Variants in CCSER1 observed in about 807,000 individuals in gnomAD.
CCSER1 encodes serine-rich coiled-coil domain-containing protein 1.
A neutral mutation model predicts 82.0 loss-of-function variants in CCSER1; 41 were observed. The ratio of observed to expected loss-of-function variants is 0.50; its 90% confidence interval spans 0.39 to 0.65. The LOEUF is 0.65. Ranked by LOEUF, CCSER1 falls within the 30% of genes least tolerant of loss-of-function variation. The pLI is 0.00. For synonymous variants in CCSER1, 414 were observed against 383.9 expected, an observed-to-expected ratio of 1.08 and a Z score of -0.92; for missense variants, 1,119 against 1,064.2, an observed-to-expected ratio of 1.05 and a Z score of -0.72.
chr4:90,664,117 T>C (rs1033727304), intron 6 of CCSER1, among the ~76,000 whole-genome samples: 4 of 152,224 alleles, frequency 2.6e-5, no homozygotes, highest in African/African-American at 9.6e-5. Context: ...AGACCGGCTT[T>C]TAAGAGTCAA....
At chr4:90,485,961 A>G (rs1766973338) in intron 5 of CCSER1, among the ~76,000 whole-genome samples, 1 of 152,022 alleles carries the variant, frequency 6.6e-6, no homozygotes, top group South Asian at 2.1e-4. Context: ...TTGAAAAGTC[A>G]CTTCTTCAAC....
intron 5 of CCSER1, among the ~76,000 whole-genome samples, chr4:90,500,346 T>G (rs1769670714): frequency 6.6e-6 from 1 of 152,130 alleles, no homozygotes; most frequent in Non-Finnish European, 1.5e-5. Context: ...CCACATTTTT[T>G]TTTTTTAGAC....
At chr4:91,526,421 A>T (rs754642914) in intron 10 of CCSER1, among the ~76,000 whole-genome samples, 1 of 152,188 alleles carries the variant, frequency 6.6e-6, no homozygotes, top group Non-Finnish European at 1.5e-5. Flanking sequence ...CCGAAAACAA[A>T]CTGCACCCTG....
Position 90,693,979 on chromosome 4 carries a change from T to A in CCSER1, c.1933-29935T>A, listed in dbSNP as rs904448562. 2.0e-5 allele frequency among the ~76,000 whole-genome samples: 3 copies of A among 152,004 alleles called. No homozygotes were observed. The East Asian group carries it at 5.8e-4, about 29-fold the overall frequency. On this transcript the variant is annotated intron_variant, in intron 6 of 10. Transcript: ENST00000509176. ...TCATATTCTTCAGTTTATAATTTAG[T>A]TGTCAGAACAAGAGCAAACACATGT...
At chr4:91,223,891 G>A (rs1162421453) in intron 10 of CCSER1, among the ~76,000 whole-genome samples, 1 of 152,024 alleles carries the variant, frequency 6.6e-6, no homozygotes, top group African/African-American at 2.4e-5. Flanking sequence ...TTTCTGGAAC[G>A]CACTTTGTCT....
At chr4:90,532,427 A>G (rs539077739) in intron 5 of CCSER1, among the ~76,000 whole-genome samples, 1 of 152,044 alleles carries the variant, frequency 6.6e-6, no homozygotes, top group South Asian at 2.1e-4. Context: ...ATTTTTCTCA[A>G]TCTGCTTTTA....
intron 5 of CCSER1, among the ~76,000 whole-genome samples, chr4:90,565,035 A>AT (rs559940576): frequency 0.084 from 11,859 of 140,842 alleles, 1,486 homozygotes; most frequent in African/African-American, 0.27. Flanking sequence ...CAAAGTTCAG[A>AT]TTTTTTTTTT....
chr4:90,264,805 A>C (rs1447296057), intron 1 of CCSER1, among the ~76,000 whole-genome samples: 4 of 152,102 alleles, frequency 2.6e-5, no homozygotes, highest in Non-Finnish European at 5.9e-5. Flanking sequence ...TATTAAGGTT[A>C]TCTTGATGAT....
At chr4:90,384,873 A>C (rs1436503354) in intron 3 of CCSER1, among the ~76,000 whole-genome samples, 1 of 152,082 alleles carries the variant, frequency 6.6e-6, no homozygotes, top group African/African-American at 2.4e-5. Flanking sequence ...AATTCTTCAA[A>C]TCTCACTCCT....
At chr4:91,299,526 C>CT (rs954141328) in intron 10 of CCSER1, among the ~76,000 whole-genome samples, 1 of 151,886 alleles carries the variant, frequency 6.6e-6, no homozygotes, top group East Asian at 2.0e-4. Context: ...TTATCATCCC[C>CT]TTTTTTTGCA....
At chr4:90,888,485 C>T (rs544452631) in intron 8 of CCSER1, among the ~76,000 whole-genome samples, 1 of 152,016 alleles carries the variant, frequency 6.6e-6, no homozygotes, top group African/African-American at 2.4e-5. Context: ...GAGACTTAGC[C>T]CTGACTTACA....
intron 10 of CCSER1, among the ~76,000 whole-genome samples, chr4:91,115,036 A>G (rs551223517): frequency 6.6e-6 from 1 of 152,194 alleles, no homozygotes; most frequent in African/African-American, 2.4e-5. Context: ...AAAGAATAAT[A>G]TATTTCCAGT....
intron 10 of CCSER1, among the ~76,000 whole-genome samples, chr4:91,403,924 G>A (rs1438368788): frequency 6.6e-6 from 1 of 152,168 alleles, no homozygotes; most frequent in Non-Finnish European, 1.5e-5. Context: ...ATGAGTTAGG[G>A]AGGATTCCCT....
At chr4:90,162,168 C>T (rs1343138019) in intron 1 of CCSER1, among the ~76,000 whole-genome samples, 1 of 152,064 alleles carries the variant, frequency 6.6e-6, no homozygotes, top group African/African-American at 2.4e-5. Context: ...CCTCAGGAAG[C>T]TCATTTTGAC....
At chr4:90,610,347 C>T (rs1785306191) in intron 5 of CCSER1, among the ~76,000 whole-genome samples, 1 of 152,098 alleles carries the variant, frequency 6.6e-6, no homozygotes, top group Admixed American at 6.6e-5. Flanking sequence ...CGCAAGGAAT[C>T]TGCCATTCTG....
rs140761418 is a variant in CCSER1 at position 91,311,746 on chromosome 4, C to A, written c.2217+225752C>A. 4.4e-3 allele frequency among the ~76,000 whole-genome samples: 671 copies of A among 152,074 alleles called. 4 individuals carry two copies. Among genetic ancestry groups the A allele is most frequent in the African/African-American group, 0.016 (646 of 41,548 alleles). ...ATGCTCATGTGATGAATTTAGCTTA[C>A]ATATTTGCAATACCATATAGGTAGA... On this transcript the variant is annotated intron_variant, in intron 10 of 10. Transcript: ENST00000509176.
intron 10 of CCSER1, among the ~76,000 whole-genome samples, chr4:91,586,230 A>T (rs1763986110): frequency 6.6e-6 from 1 of 151,774 alleles, no homozygotes; most frequent in Admixed American, 6.6e-5. Context: ...GTTAGAAAAA[A>T]ATAAGATTGA....
chr4:91,295,815 T>C (rs573267435), intron 10 of CCSER1, among the ~76,000 whole-genome samples: 1 of 151,944 alleles, frequency 6.6e-6, no homozygotes, highest in Non-Finnish European at 1.5e-5. Context: ...ATCAGCCTCC[T>C]GTGTTTTTAT....
chr4:90,691,587 AATATATCACATGTGT>A (rs1473111168), intron 6 of CCSER1, among the ~76,000 whole-genome samples: 73 of 108,754 alleles, frequency 6.7e-4, no homozygotes, highest in Middle Eastern at 6.3e-3. Flanking sequence ...AATGCATGTG[AATATATCACATGTGT>A]ATATATCACA....
Sources: gnomAD v4.1 joint callset for allele counts (sites outside exome capture counted in the v4.1 genomes callset) on GRCh38, gnomAD v4.1.1 for gene constraint, MANE v1.5 for transcripts, NCBI Gene and HGNC (gene_info 2026-07-23, HGNC 2026-07-21) for gene names.